The following DOCK8 variants were observed in gnomAD, a reference collection of about 807,000 sequenced individuals.
The protein encoded by DOCK8 is dedicator of cytokinesis 8.
Under a neutral mutation model 245.6 loss-of-function variants are expected in DOCK8, and 141 were observed. The ratio of observed to expected loss-of-function variants is 0.57; its 90% CI spans 0.50 to 0.66. The LOEUF is 0.66. Among genes scored for constraint, DOCK8 ranks in the 30% least tolerant of loss-of-function variants. The pLI, the probability that DOCK8 is intolerant of heterozygous loss-of-function variation, is 0.00. For missense variants in DOCK8, 2,965 were observed against 2,603.4 expected (o/e 1.14, Z -3.02); for synonymous variants, 1,168 against 970.2 (o/e 1.20, Z -3.79).
Position 382,744 on chromosome 9 carries a change from C to T in DOCK8, c.2778+59C>T, listed in dbSNP as rs967735476. ...AGGCTTTTTTATTTTTTAACTAAAA[C>T]TTGGAGAAGTAACACAGAAGCAACC... is the stretch of plus-strand genomic sequence containing the variant. On this transcript the variant is annotated intron_variant, in intron 22 of 47. Transcript: ENST00000432829. The T allele has an allele frequency of 7.6e-6, 12 of 1,587,648 alleles. No homozygotes were observed. The South Asian group carries it at 1.0e-4, about 13-fold the overall frequency.
rs762099093 is a variant in DOCK8 at position 365,508 on chromosome 9, T to A, written c.1680-2510T>A. ...TGCCTTTAGAAGCATATATCATGCTTCTATTATAGTAATGATAATAATAGA... is the reference window on the plus strand; with the variant it reads ...TGCCTTTAGAAGCATATATCATGCTACTATTATAGTAATGATAATAATAGA... On this transcript the variant is annotated intron_variant, in intron 14 of 47. Transcript: ENST00000432829. 3.7e-5 allele frequency: 16 copies of A among 433,728 alleles called. No homozygotes were observed. The East Asian group carries it at 8.4e-4, about 23-fold the overall frequency. 26.9% of individuals were successfully genotyped at this position (433,728 alleles called of 1,614,324 possible).
At chr9:359,633 A>G (rs2052622508) in intron 14 of DOCK8, among the ~76,000 whole-genome samples, 1 of 152,190 alleles carries the variant, frequency 6.6e-6, no homozygotes, top group Non-Finnish European at 1.5e-5. Flanking sequence ...TGTTACTGAC[A>G]TTAGTAGGCA....
chr9:367,939 A>G, intron 14 of DOCK8, 79 bp from the exon 15 acceptor site: 1 of 1,178,554 alleles, frequency 8.5e-7, no homozygotes, highest in Non-Finnish European at 1.3e-6. Context: ...CATGAATGGA[A>G]GTCTCAGCAT....
At chr9:294,255 A>G (rs1456652669) in intron 4 of DOCK8, among the ~76,000 whole-genome samples, 1 of 152,226 alleles carries the variant, frequency 6.6e-6, no homozygotes, top group African/African-American at 2.4e-5. Flanking sequence ...TGAAACAAAC[A>G]TATCTGCACA....
Position 425,450 on chromosome 9 carries a change from T to A in DOCK8, c.4242-1435T>A, listed in dbSNP as rs575350759. On this transcript the variant is annotated intron_variant, in intron 33 of 47. Coordinates refer to ENST00000432829, the MANE Select transcript of DOCK8 (RefSeq NM_203447.4). Reference sequence around the variant, plus strand: ...GGGAGGCTGAAGCAGGAGAATGGCGTGAACCCGGGAAGTGGAGCTTGCGGT... The same window carrying A: ...GGGAGGCTGAAGCAGGAGAATGGCGAGAACCCGGGAAGTGGAGCTTGCGGT... Among the ~76,000 whole-genome samples, 12 of 147,948 alleles carry A rather than the reference T, an allele frequency of 8.1e-5. No individual in the cohort carries two copies. In the East Asian group the frequency reaches 1.2e-3, roughly 15 times the overall value.
At chr9:378,516 C>T (rs2053608398) in intron 20 of DOCK8, among the ~76,000 whole-genome samples, 1 of 152,218 alleles carries the variant, frequency 6.6e-6, no homozygotes, top group Admixed American at 6.5e-5. Context: ...ATCAAACGTC[C>T]TGTGTTGGAG....
At chr9:323,711 C>T (rs1162700798) in intron 7 of DOCK8, among the ~76,000 whole-genome samples, 1 of 152,164 alleles carries the variant, frequency 6.6e-6, no homozygotes, top group Non-Finnish European at 1.5e-5. Context: ...TACTTTCTGC[C>T]TCTATGAATT....
chr9:443,434 A>G lies in DOCK8; in HGVS notation c.5498A>G (p.Tyr1833Cys), dbSNP rs1246058894. 3.1e-6 allele frequency: 5 copies of G among 1,614,048 alleles called. No individual in the cohort carries two copies. The highest frequency in any genetic ancestry group is 4.2e-6 in the Non-Finnish European group (5 of 1,179,960). Reference sequence around the variant, plus strand: ...TTGGTTCTTCTTACCTAGGCATTTTATGGTCAATGTTTTGGTGCAGAATTT... The same window carrying G: ...TTGGTTCTTCTTACCTAGGCATTTTGTGGTCAATGTTTTGGTGCAGAATTT... ...PEISHRLEAF[Y>C]GQCFGAEFVE... The change falls in exon 43 of 48, where the codon TAT (tyrosine) becomes TGT (cysteine). Residue 1833 changes from tyrosine to cysteine, a missense_variant. By Grantham distance (194) the Tyr-to-Cys change is radical. Around this residue, in one of 3 missense-constraint regions of DOCK8, gnomAD observed 2,825 missense variants for 2,453.5 expected, o/e 1.15. Coordinates refer to ENST00000432829, the MANE Select transcript of DOCK8 (RefSeq NM_203447.4).
At chr9:435,780 T>C (rs2056880218) in intron 39 of DOCK8, among the ~76,000 whole-genome samples, 1 of 152,208 alleles carries the variant, frequency 6.6e-6, no homozygotes, top group Non-Finnish European at 1.5e-5. Context: ...AAAGTGTTCT[T>C]ACTGAATAGT....
At chr9:351,481 C>T (rs1195605002) in intron 14 of DOCK8, among the ~76,000 whole-genome samples, 1 of 152,236 alleles carries the variant, frequency 6.6e-6, no homozygotes, top group Non-Finnish European at 1.5e-5. Context: ...GTGATTACAG[C>T]TGCCCATTGG....
At chr9:403,940 ATATG>A (rs1183543552) in intron 26 of DOCK8, among the ~76,000 whole-genome samples, 83 of 82,522 alleles carry the variant, frequency 1.0e-3, no homozygotes, top group African/African-American at 6.3e-3. Context: ...GTGTATATAT[ATATG>A]TGTATATATA....
chr9:221,753 C>T (rs1407217278), intron 1 of DOCK8, among the ~76,000 whole-genome samples: 3 of 150,646 alleles, frequency 2.0e-5, no homozygotes, highest in African/African-American at 4.9e-5. Flanking sequence ...ACCTGGGAGG[C>T]GGAAGTTGCA....
chr9:227,258 A>G (rs1434488802), intron 1 of DOCK8, among the ~76,000 whole-genome samples: 1 of 152,224 alleles, frequency 6.6e-6, no homozygotes, highest in Admixed American at 6.5e-5. Flanking sequence ...GAAATTATGA[A>G]AATTGGAAAT....
intron 14 of DOCK8, among the ~76,000 whole-genome samples, chr9:354,059 C>T (rs1018352309): frequency 9.9e-5 from 15 of 152,082 alleles, no homozygotes; most frequent in African/African-American, 2.2e-4. Flanking sequence ...TGGCCGGGCA[C>T]GGTGGCTCAC....
intron 29 of DOCK8, among the ~76,000 whole-genome samples, chr9:417,547 A>G (rs2056081889): frequency 6.6e-6 from 1 of 152,096 alleles, no homozygotes; most frequent in Non-Finnish European, 1.5e-5. Context: ...CCAGACTTTT[A>G]AACGGTTTAT....
At chr9:379,148 CA>C (rs1248994435) in intron 20 of DOCK8, among the ~76,000 whole-genome samples, 1 of 151,874 alleles carries the variant, frequency 6.6e-6, no homozygotes, top group Non-Finnish European at 1.5e-5. Flanking sequence ...CGAACTGAGC[CA>C]AAAAGGGTAC....
intron 3 of DOCK8, 77 bp downstream of exon 3, chr9:286,713 T>C: frequency 7.4e-7 from 1 of 1,359,554 alleles, no homozygotes; most frequent in South Asian, 1.2e-5. Flanking sequence ...GGAGATGCCT[T>C]CAATCTGAAC....
At chr9:399,771 C>G (rs2054655070) in intron 26 of DOCK8, among the ~76,000 whole-genome samples, 1 of 152,052 alleles carries the variant, frequency 6.6e-6, no homozygotes, top group African/African-American at 2.4e-5. Flanking sequence ...CTATCAGTGC[C>G]ATCCCCCCAG....
intron 12 of DOCK8, among the ~76,000 whole-genome samples, chr9:337,044 T>G (rs949849812): frequency 6.6e-6 from 1 of 152,038 alleles, no homozygotes; most frequent in East Asian, 1.9e-4. Flanking sequence ...TCTCTCTTCC[T>G]GTTCTTATAA....
Sources: allele counts gnomAD v4.1 joint callset (sites outside exome capture counted in the v4.1 genomes callset), GRCh38; gene constraint gnomAD v4.1.1; regional missense constraint gnomAD v4.1.1; transcripts MANE v1.5; gene names NCBI Gene and HGNC (gene_info 2026-07-23, HGNC 2026-07-21).